The following CGNL1 variants were observed in gnomAD, a reference collection of about 807,000 sequenced individuals.
CGNL1 encodes the protein cingulin like 1.
CGNL1 carries 132 observed loss-of-function variants against 141.2 expected under a neutral mutation model. The observed-to-expected ratio is 0.93, with a 90% confidence interval of 0.81 to 1.08. CGNL1 has a LOEUF of 1.08. CGNL1 is among the 50% of genes least tolerant of loss of function. The pLI is 0.00. For missense variants in CGNL1, 1,870 were observed against 1,588.6 expected, an observed-to-expected ratio of 1.18 and a Z score of -3.01; for synonymous variants, 690 against 622.1, an observed-to-expected ratio of 1.11 and a Z score of -1.63.
intron 14 of CGNL1, among the ~76,000 whole-genome samples, chr15:57,537,834 T>C (rs1325457504): frequency 3.9e-5 from 6 of 152,258 alleles, no homozygotes; most frequent in African/African-American, 1.4e-4. Flanking sequence ...CTTCAGCTCC[T>C]GTTCTGTTTT....
At chr15:57,377,317 G>C (rs1192149921) in intron 1 of CGNL1, among the ~76,000 whole-genome samples, 1 of 152,136 alleles carries the variant, frequency 6.6e-6, no homozygotes, top group African/African-American at 2.4e-5. Context: ...TGCTTTTGCG[G>C]GCATTGGTTC....
In CGNL1 at chr15:57,496,224, A is replaced by T. The variant is rs2063936075; in HGVS notation, c.2404-20556A>T. ...TGTAGGGCCTTAAAACCAAAACGTG[A>T]CTGTTTCTCAGAAAATCATGGTAAT... On this transcript the variant is annotated intron_variant, in intron 8 of 18. Transcript: ENST00000281282. Among the ~76,000 whole-genome samples, 6 of 152,178 alleles carry T rather than the reference A, an allele frequency of 3.9e-5. No individual in the cohort carries two copies. The South Asian group carries it at 1.2e-3, about 31-fold the overall frequency.
chr15:57,469,899 G>C (rs895903605), intron 8 of CGNL1, among the ~76,000 whole-genome samples: 5 of 152,174 alleles, frequency 3.3e-5, no homozygotes, highest in African/African-American at 1.2e-4. Context: ...AAGGTCAGCA[G>C]AGGGTCAAAT....
intron 1 of CGNL1, among the ~76,000 whole-genome samples, chr15:57,377,888 G>A (rs1039323769): frequency 1.3e-5 from 2 of 152,206 alleles, no homozygotes; most frequent in African/African-American, 4.8e-5. Context: ...GAGACCCTCC[G>A]GAGACTCCCC....
At position 57,544,517 on chromosome 15, in the gene CGNL1, C is replaced by T. The variant is rs137878510; in HGVS notation, c.3420C>T (p.Tyr1140=). The T allele has an allele frequency of 3.5e-4, 558 of 1,613,446 alleles. 1 individual carries two copies. In the East Asian group the frequency reaches 0.01, roughly 30 times the overall value. The part of the protein sequence containing the change: ...KSRIIHLEGS[Y]RSSKEGLVVQ... ...GGATTATCCACCTGGAAGGTTCCTA[C>T]AGGTCCAGCAAAGAGGGGCTGGTTG... Residue 1140 remains tyrosine, a synonymous_variant, in exon 16 of 19, where the codon TAC becomes TAT. Coordinates refer to ENST00000281282, the MANE Select transcript of CGNL1 (RefSeq NM_032866.5).
At chr15:57,445,942 A>G (rs144367511) in intron 4 of CGNL1, among the ~76,000 whole-genome samples, 17 of 152,318 alleles carry the variant, frequency 1.1e-4, no homozygotes, top group Admixed American at 2.6e-4. Flanking sequence ...ACTCTCTTCA[A>G]TCAGATCCCT....
intron 5 of CGNL1, 74 bp from the exon 6 acceptor site, chr15:57,452,067 T>C (rs2152322231): frequency 3.7e-6 from 5 of 1,349,748 alleles, no homozygotes; most frequent in Non-Finnish European, 5.0e-6. Flanking sequence ...AGTCTGCTTG[T>C]TGAGAAGTAG....
chr15:57,443,247 A>AT (rs1277923519), intron 4 of CGNL1, among the ~76,000 whole-genome samples: 5 of 152,084 alleles, frequency 3.3e-5, no homozygotes, highest in African/African-American at 9.7e-5. Flanking sequence ...GGACATAGAG[A>AT]TTTTTTTGGT....
rs1470014534 is a variant in CGNL1, at chr15:57,453,713, G to T, written c.2085G>T (p.Gln695His). ...TCCAGGTGAAGATGGAACGGGAGCA[G>T]CATCAGACTGAGATCAGGGATCTCC... ...ELFQVKMEREQHQTEIRDLQD... is the reference protein window; with the variant it reads ...ELFQVKMEREHHQTEIRDLQD... The change falls in exon 7 of 19, where the codon CAG (glutamine) becomes CAT (histidine). Residue 695 changes from glutamine (Q) to histidine (H), a missense_variant. Coordinates refer to ENST00000281282, the MANE Select transcript of CGNL1 (RefSeq NM_032866.5). The T allele has an allele frequency of 2.5e-6, 4 of 1,613,822 alleles. No individual in the cohort carries two copies. The East Asian group carries it at 6.7e-5, about 27-fold the overall frequency.
At chr15:57,377,986 T>C (rs2054770202) in intron 1 of CGNL1, among the ~76,000 whole-genome samples, 1 of 152,206 alleles carries the variant, frequency 6.6e-6, no homozygotes, top group African/African-American at 2.4e-5. Context: ...GTGGTTGATA[T>C]TTGTGTTAAC....
At position 57,417,607 on chromosome 15, in the gene CGNL1, C is replaced by CTTT. The variant is rs5812893; in HGVS notation, c.-15-20366_-15-20364dup. The stretch of plus-strand genomic sequence containing the variant: ...TTAGTCACTCAGAATTGAAATAGTG[C>CTTT]TTTTTTTTTTTTTTCCTTCTGGGGA... On this transcript the variant is annotated intron_variant, in intron 1 of 18. Coordinates refer to ENST00000281282, the MANE Select transcript of CGNL1 (RefSeq NM_032866.5). Among the ~76,000 whole-genome samples the CTTT allele has an allele frequency of 9.7e-4, 141 of 145,152 alleles. 1 individual carries two copies. Among genetic ancestry groups the CTTT allele is most frequent in the African/African-American group, 2.3e-3 (92 of 39,412 alleles).
intron 1 of CGNL1, among the ~76,000 whole-genome samples, chr15:57,381,905 A>G (rs1391615867): frequency 6.6e-6 from 1 of 152,210 alleles, no homozygotes; most frequent in African/African-American, 2.4e-5. Flanking sequence ...CTGCTTTTCT[A>G]GGTGTCTTAA....
intron 9 of CGNL1, among the ~76,000 whole-genome samples, chr15:57,517,478 A>G (rs1335830971): frequency 6.6e-6 from 1 of 152,230 alleles, no homozygotes; most frequent in African/African-American, 2.4e-5. Context: ...GCAGCTGACA[A>G]TGAAAGAGGA....
At chr15:57,386,910 T>C (rs1236574675) in intron 1 of CGNL1, among the ~76,000 whole-genome samples, 1 of 152,332 alleles carries the variant, frequency 6.6e-6, no homozygotes, top group Non-Finnish European at 1.5e-5. Context: ...TGGTTCTTGG[T>C]ATTTTTTTTG....
In CGNL1 at chr15:57,445,741, C is replaced by T. The variant is rs939789819; in HGVS notation, c.1803+3263C>T. Among the ~76,000 whole-genome samples the T allele has an allele frequency of 1.1e-4, 16 of 152,228 alleles. No homozygotes were observed. The South Asian group carries it at 1.5e-3, about 14-fold the overall frequency. On this transcript the variant is annotated intron_variant, in intron 4 of 18. Transcript: ENST00000281282. The stretch of plus-strand genomic sequence containing the variant: ...TTCAGGGATGTGTGAGCCAAGATGC[C>T]GCCGTTTCTAGCTTTGATTCCTACT...
Position 57,438,924 on chromosome 15 carries a change from T to C in CGNL1, c.925T>C (p.Leu309=). The C allele has an allele frequency of 6.2e-7, 1 of 1,614,154 alleles. No individual in the cohort carries two copies. Among genetic ancestry groups the C allele is most frequent in the South Asian group, 1.1e-5 (1 of 91,076 alleles). The change falls in exon 2 of 19, where the codon TTG becomes CTG. Residue 309 remains leucine, a synonymous_variant. Coordinates refer to ENST00000281282, the MANE Select transcript of CGNL1 (RefSeq NM_032866.5). ...SSTTPTSANS[L]YRFLLDDQEC... is the part of the protein sequence containing the mutation. ...CACAACTCCCACGTCAGCCAACTCT[T>C]TGTACAGGTTTTTACTGGATGATCA...
chr15:57,496,149 A>G (rs2152383463), intron 8 of CGNL1, among the ~76,000 whole-genome samples: 1 of 152,282 alleles, frequency 6.6e-6, no homozygotes, highest in East Asian at 1.9e-4. Flanking sequence ...CAAGGCGACA[A>G]ATACATTAAA....
chr15:57,520,190 G>A (rs1356395105), intron 10 of CGNL1, among the ~76,000 whole-genome samples: 1 of 152,206 alleles, frequency 6.6e-6, no homozygotes, highest in African/African-American at 2.4e-5. Context: ...CTCTTTACCT[G>A]AATTATCTGG....
At chr15:57,388,617 G>C (rs145461244) in intron 1 of CGNL1, among the ~76,000 whole-genome samples, 1 of 152,238 alleles carries the variant, frequency 6.6e-6, no homozygotes, top group African/African-American at 2.4e-5. Flanking sequence ...TCATAGAAAT[G>C]CTTCTTGTTA....
Sources: gnomAD v4.1 joint callset for allele counts (sites outside exome capture counted in the v4.1 genomes callset) on GRCh38, gnomAD v4.1.1 for gene constraint, MANE v1.5 for transcripts, NCBI Gene and HGNC (gene_info 2026-07-23, HGNC 2026-07-21) for gene names.